Variants in DACH2 observed in about 807,000 individuals in gnomAD.
DACH2 encodes the protein dachshund homolog 2.
A neutral mutation model predicts 35.8 loss-of-function variants in DACH2; 17 were observed. That is an observed-to-expected ratio of 0.48 (90% CI 0.33 to 0.71). DACH2 has a LOEUF of 0.71. Ranked by LOEUF, DACH2 falls within the 30% of genes least tolerant of loss-of-function variation. The pLI, the probability that DACH2 is intolerant of heterozygous loss-of-function variation, is 0.02. For synonymous variants in DACH2, 195 were observed against 177.3 expected (o/e 1.10, Z -0.79); for missense variants, 469 against 472.7 (o/e 0.99, Z 0.07).
chrX:86,657,880 A>C (rs922821827), intron 4 of DACH2, among the ~76,000 whole-genome samples: 2 of 111,282 alleles, frequency 1.8e-5, no homozygotes, highest in Admixed American at 1.9e-4. Flanking sequence ...ATGTTTATCT[A>C]TCTTGTCATT....
chrX:86,346,095 T>G (rs1022382387), intron 1 of DACH2, among the ~76,000 whole-genome samples: 1 of 111,361 alleles, frequency 9.0e-6, no homozygotes, highest in Non-Finnish European at 1.9e-5. Context: ...ACTGGCAACA[T>G]CAAAGAAGAC....
chrX:86,197,624 G>C (rs2032027807), intron 1 of DACH2, among the ~76,000 whole-genome samples: 1 of 110,683 alleles, frequency 9.0e-6, no homozygotes, highest in Admixed American at 9.6e-5. Flanking sequence ...CCTAATTTCA[G>C]ACAAAACAGA....
chrX:86,753,937 A>AT (rs2041800983), intron 7 of DACH2, among the ~76,000 whole-genome samples: 1 of 82,551 alleles, frequency 1.2e-5, no homozygotes, highest in Non-Finnish European at 2.6e-5. Flanking sequence ...TGAGCTCACA[A>AT]TAAAAAAAAA....
chrX:86,294,769 T>G (rs6623635), intron 1 of DACH2, among the ~76,000 whole-genome samples: 47,105 of 105,599 alleles, frequency 0.45, 8,313 homozygotes, highest in East Asian at 0.51. Flanking sequence ...GAGGAGGCAG[T>G]CTGCCCGTTC....
At chrX:86,513,022 A>C (rs936575822) in intron 2 of DACH2, 7 of 297,504 alleles carry the variant, frequency 2.4e-5, no homozygotes, top group African/African-American at 1.9e-4. Flanking sequence ...ACAGTGGAAG[A>C]AAATAACACT....
chrX:86,531,094 C>T (rs1335115113), intron 3 of DACH2, among the ~76,000 whole-genome samples: 1 of 111,706 alleles, frequency 9.0e-6, no homozygotes, highest in East Asian at 2.8e-4. Flanking sequence ...ATGACTTTTT[C>T]TAAAAGTGTA....
intron 4 of DACH2, among the ~76,000 whole-genome samples, chrX:86,655,846 AG>A (rs1364286586): frequency 5.4e-5 from 6 of 111,671 alleles, no homozygotes; most frequent in Non-Finnish European, 7.6e-5. Context: ...ATAATCAAAA[AG>A]ATTCAATTGT....
intron 3 of DACH2, among the ~76,000 whole-genome samples, chrX:86,627,285 A>G (rs2040149364): frequency 9.0e-6 from 1 of 111,368 alleles, no homozygotes; most frequent in Admixed American, 9.6e-5. Context: ...AGCAAGAGTC[A>G]CCTTTATTCT....
intron 3 of DACH2, among the ~76,000 whole-genome samples, chrX:86,527,792 C>T (rs1318364823): frequency 1.8e-5 from 2 of 111,773 alleles, no homozygotes; most frequent in Admixed American, 1.9e-4. Context: ...CAAGTCGTGT[C>T]ATTTTGCATT....
At chrX:86,551,211 C>T (rs1024198341) in intron 3 of DACH2, among the ~76,000 whole-genome samples, 1 of 111,654 alleles carries the variant, frequency 9.0e-6, no homozygotes, top group African/African-American at 3.3e-5. Flanking sequence ...GCTTTATCCT[C>T]CAATAAATAT....
chrX:86,703,882 C>T (rs749461975), intron 5 of DACH2, among the ~76,000 whole-genome samples: 8 of 111,244 alleles, frequency 7.2e-5, no homozygotes, highest in South Asian at 3.7e-4. Context: ...ATGGCCATAC[C>T]GCCCAAAGCC....
intron 2 of DACH2, among the ~76,000 whole-genome samples, chrX:86,392,044 T>A (rs752834632): frequency 9.0e-6 from 1 of 111,177 alleles, no homozygotes; most frequent in South Asian, 3.8e-4. Context: ...GTTACATAAG[T>A]ATGCATATTT....
intron 1 of DACH2, among the ~76,000 whole-genome samples, chrX:86,365,902 G>C (rs1031077867): frequency 4.5e-5 from 5 of 111,288 alleles, no homozygotes; most frequent in Non-Finnish European, 7.5e-5. Context: ...TAAGCAGAGA[G>C]GTAGGAGTCA....
chrX:86,474,783 G>C (rs1206782373), intron 2 of DACH2, among the ~76,000 whole-genome samples: 1 of 111,589 alleles, frequency 9.0e-6, no homozygotes, highest in African/African-American at 3.3e-5. Flanking sequence ...GCCCAGGCTG[G>C]AGTGCAATGG....
intron 1 of DACH2, among the ~76,000 whole-genome samples, chrX:86,287,138 T>C (rs763737808): frequency 9.4e-6 from 1 of 106,616 alleles, no homozygotes; most frequent in Non-Finnish European, 1.9e-5. Context: ...GTTTCAAGGA[T>C]ATTTTTGCCA....
intron 1 of DACH2, among the ~76,000 whole-genome samples, chrX:86,186,797 G>A (rs2031696196): frequency 1.8e-5 from 2 of 111,540 alleles, no homozygotes; most frequent in African/African-American, 6.5e-5. Context: ...TATACAATAT[G>A]TCAATCAATT....
At chrX:86,627,382 G>C (rs1284805524) in intron 3 of DACH2, among the ~76,000 whole-genome samples, 1 of 111,545 alleles carries the variant, frequency 9.0e-6, no homozygotes, top group Non-Finnish European at 1.9e-5. Context: ...ATCTTTTCTT[G>C]TCACATAACA....
intron 3 of DACH2, among the ~76,000 whole-genome samples, chrX:86,577,944 C>A (rs2039455878): frequency 8.9e-6 from 1 of 111,928 alleles, no homozygotes; most frequent in Admixed American, 9.5e-5. Context: ...AATATTTGAT[C>A]TGATTTTAGT....
At chrX:86,565,607 C>T (rs898555844) in intron 3 of DACH2, among the ~76,000 whole-genome samples, 3 of 110,988 alleles carry the variant, frequency 2.7e-5, no homozygotes, top group East Asian at 5.7e-4. Context: ...TTCATCTGGC[C>T]GTTTATAGCA....
Sources: allele counts gnomAD v4.1 joint callset (sites outside exome capture counted in the v4.1 genomes callset), GRCh38; gene constraint gnomAD v4.1.1; transcripts MANE v1.5; gene names NCBI Gene and HGNC (gene_info 2026-07-23, HGNC 2026-07-21).